DNAH17: variants seen among roughly 807,000 people sequenced by gnomAD.
DNAH17 encodes dynein axonemal heavy chain 17, also known as axonemal beta dynein heavy chain 17.
In DNAH17, 376 loss-of-function variants were observed where a neutral mutation model predicts 485.6. That is an observed-to-expected ratio of 0.77 (90% CI 0.71 to 0.84). DNAH17 has a LOEUF of 0.84. DNAH17 is among the 40% of genes least tolerant of loss of function. The probability of loss-of-function intolerance (pLI) is 0.00; values close to 1 mark genes in which losing one functional copy is unlikely to be tolerated. For synonymous variants in DNAH17, 3,031 were observed against 2,405.9 expected (o/e 1.26, Z -7.60); for missense variants, 6,370 against 5,839.3 (o/e 1.09, Z -2.96).
At chr17:78,437,131 T>C (rs144303375) in intron 74 of DNAH17, among the ~76,000 whole-genome samples, 213 of 152,254 alleles carry the variant, frequency 1.4e-3, no homozygotes, top group Non-Finnish European at 2.5e-3. Flanking sequence ...TTCCTGCTGA[T>C]GGTGGGTCAG....
intron 79 of DNAH17, among the ~76,000 whole-genome samples, chr17:78,426,045 G>GAACCACCGTGTC (rs777625464): frequency 2.6e-5 from 4 of 152,186 alleles, no homozygotes; most frequent in Non-Finnish European, 4.4e-5. Flanking sequence ...TTACAGGTGT[G>GAACCACCGTGTC]AACCACCGTG....
chr17:78,462,628 C>G (rs2088192675), intron 57 of DNAH17, among the ~76,000 whole-genome samples: 1 of 152,220 alleles, frequency 6.6e-6, no homozygotes, highest in South Asian at 2.1e-4. Flanking sequence ...ATACAATCAA[C>G]ATTGTGAAAG....
At chr17:78,544,506 G>C (rs556082358) in intron 16 of DNAH17, among the ~76,000 whole-genome samples, 3 of 152,274 alleles carry the variant, frequency 2.0e-5, no homozygotes, top group East Asian at 3.9e-4. Context: ...TCTACCACAA[G>C]GGTGGTGGCC....
At chr17:78,500,500 C>G in intron 35 of DNAH17, 39 bp from the exon 36 acceptor site, 3 of 1,511,536 alleles carry the variant, frequency 2.0e-6, no homozygotes, top group Non-Finnish European at 2.7e-6. Flanking sequence ...GCCAGCGACC[C>G]CATGGCCTCC....
Position 78,494,820 on chromosome 17 carries a change from C to G in DNAH17, c.6043G>C (p.Asp2015His). The G allele has an allele frequency of 6.2e-7, 1 of 1,600,234 alleles. No individual in the cohort carries two copies. The highest frequency in any genetic ancestry group is 8.5e-7 in the Non-Finnish European group (1 of 1,171,530). Residue 2015 changes from aspartate to histidine, a missense_variant and splice_region_variant, in exon 40 of 81, where the codon GAT (aspartate) becomes CAT (histidine). Coordinates refer to ENST00000389840, the MANE Select transcript of DNAH17 (RefSeq NM_173628.4). ...TLCKELLSKQ[D>H]HYDWGLRAIK... ...GCTCTCAGGCCCCAGTCGTAATGATCCTGCGGGCAGTGGGCACAGGTGGGC... is the reference window on the plus strand; with the variant it reads ...GCTCTCAGGCCCCAGTCGTAATGATGCTGCGGGCAGTGGGCACAGGTGGGC...
At chr17:78,572,603 C>T (rs970016280) in intron 3 of DNAH17, 98 bp downstream of exon 3, 33 of 1,159,810 alleles carry the variant, frequency 2.8e-5, no homozygotes, top group African/African-American at 1.7e-5. Context: ...TGCAGGGAAA[C>T]AACGGGTCGG....
intron 16 of DNAH17, among the ~76,000 whole-genome samples, chr17:78,550,585 GGA>G (rs2091880515): frequency 6.6e-6 from 1 of 152,188 alleles, no homozygotes. Flanking sequence ...GAAGCCACAG[GGA>G]GAAGACAGCA....
Position 78,502,997 on chromosome 17 carries a change from C to T in DNAH17, c.4971G>A (p.Leu1657=). Residue 1657 remains leucine (L), a synonymous_variant, in exon 32 of 81, where the codon CTG becomes CTA. Coordinates refer to ENST00000389840, the MANE Select transcript of DNAH17 (RefSeq NM_173628.4). The stretch of plus-strand genomic sequence containing the variant: ...AGCACATTCGGTCCAGCACTCGATT[C>T]AGCCACACTTCCACCTGGGGACGGG... The part of the protein sequence containing the change: ...CDLSGQVEVW[L]NRVLDRMCST... 1 of 1,613,658 alleles carries T rather than the reference C, an allele frequency of 6.2e-7. No individual in the cohort carries two copies. Among genetic ancestry groups the T allele is most frequent in the Non-Finnish European group, 8.5e-7 (1 of 1,179,776 alleles).
In DNAH17 at chr17:78,427,053, G is replaced by C. The variant is rs372755956; in HGVS notation, c.12644C>G (p.Ala4215Gly). The change falls in exon 78 of 81, where the codon GCT becomes GGT. Residue 4215 changes from alanine (A) to glycine (G), a missense_variant. By Grantham distance (60) the Ala-to-Gly change is moderately conservative (BLOSUM62 0). Coordinates refer to ENST00000389840, the MANE Select transcript of DNAH17 (RefSeq NM_173628.4). ...TTCCGCTGCCTTTGCCATGATCTCAGCCATGTTGAAAGTCTCCGGAATCTT... is the reference window on the plus strand; with the variant it reads ...TTCCGCTGCCTTTGCCATGATCTCACCCATGTTGAAAGTCTCCGGAATCTT... ...LEKIPETFNM[A>G]EIMAKAAEKT... is the part of the protein sequence containing the mutation. The C allele has an allele frequency of 8.8e-6, 14 of 1,599,844 alleles. No individual in the cohort carries two copies. Among genetic ancestry groups the C allele is most frequent in the African/African-American group, 1.3e-5 (1 of 74,628 alleles).
chr17:78,523,425 CCT>C (rs1240268726), intron 25 of DNAH17, among the ~76,000 whole-genome samples: 1 of 152,124 alleles, frequency 6.6e-6, no homozygotes, highest in African/African-American at 2.4e-5. Context: ...CGCCTGGCCT[CCT>C]TTTTCAATTT....
At chr17:78,538,562 C>A (rs748117378) in intron 18 of DNAH17, among the ~76,000 whole-genome samples, 1 of 152,170 alleles carries the variant, frequency 6.6e-6, no homozygotes, top group Non-Finnish European at 1.5e-5. Context: ...CTAATTGGGA[C>A]AAACGGTCAA....
intron 11 of DNAH17, 125 bp downstream of exon 11, chr17:78,566,489 C>T: frequency 2.8e-6 from 2 of 703,494 alleles, no homozygotes; most frequent in Non-Finnish European, 2.4e-6. Context: ...AGGAGACGGG[C>T]CCTCCCTCCC....
At chr17:78,477,862 T>C (rs2089106493) in intron 51 of DNAH17, among the ~76,000 whole-genome samples, 1 of 151,864 alleles carries the variant, frequency 6.6e-6, no homozygotes, top group Admixed American at 6.6e-5. Context: ...AGAGGAAATA[T>C]TATTACCATC....
At chr17:78,547,508 C>G (rs8071885) in intron 16 of DNAH17, among the ~76,000 whole-genome samples, 39,141 of 152,100 alleles carry the variant, frequency 0.26, 5,451 homozygotes, top group East Asian at 0.49. Flanking sequence ...CATGTGTCAT[C>G]TGGCCTGGAA....
intron 14 of DNAH17, among the ~76,000 whole-genome samples, chr17:78,555,840 G>A (rs771912539): frequency 7.9e-5 from 12 of 152,284 alleles, no homozygotes; most frequent in South Asian, 4.1e-4. Context: ...CACAAAAGGC[G>A]GAGGAAGGAG....
chr17:78,503,386 C>T (rs2090373158), intron 31 of DNAH17, among the ~76,000 whole-genome samples: 1 of 148,334 alleles, frequency 6.7e-6, no homozygotes, highest in Non-Finnish European at 1.5e-5. Flanking sequence ...GGGGTTTCAC[C>T]ATGTTAGCCA....
intron 12 of DNAH17, 29 bp downstream of exon 12, chr17:78,561,686 G>GCCTGCC (rs1464277941): frequency 7.0e-6 from 11 of 1,574,524 alleles, no homozygotes; most frequent in Non-Finnish European, 9.5e-6. Context: ...GAGGCGGGGT[G>GCCTGCC]CCTGCCCCTG....
chr17:78,451,774 C>G lies in DNAH17; in HGVS notation c.10530-101G>C, dbSNP rs904605146. 7.2e-6 allele frequency: 7 copies of G among 966,242 alleles called. No homozygotes were observed. In the South Asian group the frequency reaches 1.2e-4, roughly 16 times the overall value. The allele number at this position is 966,242 out of a possible 1,614,324, so 59.9% of individuals were successfully genotyped here. A position where few individuals can be genotyped will look rare whatever the true frequency, so the allele number is the denominator to read the frequency against. On this transcript the variant is annotated intron_variant, in intron 65 of 80. Transcript: ENST00000389840. Reference sequence around the variant, plus strand: ...TCACCCCAGCCCCAGGCCAGGCCGCCACCTTGAACCCTCCCTTCTGGTCCC... The same window carrying G: ...TCACCCCAGCCCCAGGCCAGGCCGCGACCTTGAACCCTCCCTTCTGGTCCC...
intron 79 of DNAH17, 74 bp from the exon 80 acceptor site, chr17:78,425,645 G>T: frequency 7.3e-7 from 1 of 1,378,270 alleles, no homozygotes. Flanking sequence ...TGGCCGTTCT[G>T]AGCAGGGGTC....
Sources: allele counts gnomAD v4.1 joint callset (sites outside exome capture counted in the v4.1 genomes callset), GRCh38; gene constraint gnomAD v4.1.1; transcripts MANE v1.5; gene names NCBI Gene and HGNC (gene_info 2026-07-23, HGNC 2026-07-21).